EYS: variants seen among roughly 807,000 people sequenced by gnomAD.
EYS encodes the protein EGF-like photoreceptor maintenance factor.
A neutral mutation model predicts 282.1 loss-of-function variants in EYS; 250 were observed. The observed-to-expected ratio is 0.89, with a 90% CI of 0.80 to 0.98. EYS has a LOEUF of 0.98. EYS is among the 50% of genes least tolerant of loss of function. The pLI is 0.00. For synonymous variants in EYS, 1,355 were observed against 1,282.9 expected (o/e 1.06, Z -1.20); for missense variants, 4,016 against 3,709.0 (o/e 1.08, Z -2.15).
At chr6:64,763,931 T>G (rs1403644674) in intron 22 of EYS, among the ~76,000 whole-genome samples, 1 of 152,166 alleles carries the variant, frequency 6.6e-6, no homozygotes, top group Admixed American at 6.5e-5. Context: ...ATGTCTCACA[T>G]CCAGGGCACA....
chr6:64,695,650 T>C (rs112692458), intron 22 of EYS, among the ~76,000 whole-genome samples: 2,416 of 150,648 alleles, frequency 0.016, 70 homozygotes, highest in African/African-American at 0.056. Context: ...AGTGGCATGA[T>C]CTTAGCTCAC....
At chr6:65,615,948 A>G (rs1053341227) in intron 2 of EYS, among the ~76,000 whole-genome samples, 2 of 83,788 alleles carry the variant, frequency 2.4e-5, no homozygotes, top group East Asian at 4.6e-4. Flanking sequence ...AAGAAAAAAA[A>G]AAGAAAGAAA....
chr6:63,876,802 T>C (rs1772985025), intron 35 of EYS, among the ~76,000 whole-genome samples: 1 of 152,218 alleles, frequency 6.6e-6, no homozygotes, highest in South Asian at 2.1e-4. Context: ...CTGCTTTTTT[T>C]TTGTTTTCCA....
chr6:63,858,559 G>T (rs571039487), intron 36 of EYS, among the ~76,000 whole-genome samples: 41 of 152,308 alleles, frequency 2.7e-4, no homozygotes, highest in African/African-American at 9.4e-4. Flanking sequence ...AATAAAAAGT[G>T]CAGGCCATTC....
chr6:65,687,278 GAA>G (rs1397092730), intron 1 of EYS, among the ~76,000 whole-genome samples: 2 of 151,848 alleles, frequency 1.3e-5, no homozygotes, highest in African/African-American at 4.8e-5. Flanking sequence ...ATATATGCAA[GAA>G]AAAAGACAAA....
At chr6:64,905,548 G>A (rs1767799987) in intron 16 of EYS, among the ~76,000 whole-genome samples, 1 of 152,128 alleles carries the variant, frequency 6.6e-6, no homozygotes, top group Non-Finnish European at 1.5e-5. Flanking sequence ...CGAATGGTCA[G>A]TAAATGATAT....
At chr6:65,329,884 A>C in intron 11 of EYS, 3 of 980,958 alleles carry the variant, frequency 3.1e-6, no homozygotes, top group Non-Finnish European at 3.6e-6. Flanking sequence ...TGATTTTCTT[A>C]TGGACTTTTA....
intron 29 of EYS, among the ~76,000 whole-genome samples, chr6:64,342,101 T>C (rs1249880974): frequency 1.3e-5 from 2 of 151,614 alleles, no homozygotes; most frequent in African/African-American, 4.8e-5. Context: ...AAATATTGTA[T>C]ATAGTATAAT....
chr6:63,749,015 CT>C (rs1477156640), intron 41 of EYS, among the ~76,000 whole-genome samples: 4 of 151,974 alleles, frequency 2.6e-5, no homozygotes, highest in African/African-American at 9.7e-5. Flanking sequence ...TTATTTCTTT[CT>C]TCTGCTAGCT....
rs367623371 is a variant in EYS at position 64,944,959 on chromosome 6, A to G, written c.2381+834T>C. On this transcript the variant is annotated intron_variant, in intron 15 of 42. Transcript: ENST00000503581. ...ATGACATAGATTCTATTGTTCACAT[A>G]TTTGTTGCTGACCTTCTCCTTATTA... 2.2e-4 allele frequency among the ~76,000 whole-genome samples: 33 copies of G among 150,516 alleles called. 1 individual carries two copies. The East Asian group carries it at 3.0e-3, about 13-fold the overall frequency.
chr6:64,383,197 G>T (rs916538814), intron 29 of EYS, among the ~76,000 whole-genome samples: 4 of 151,980 alleles, frequency 2.6e-5, no homozygotes, highest in African/African-American at 9.7e-5. Flanking sequence ...GCTACTAGGG[G>T]GGCTGAGGTG....
chr6:63,724,001 T>C (rs1398947155), intron 42 of EYS, among the ~76,000 whole-genome samples: 3 of 151,730 alleles, frequency 2.0e-5, no homozygotes, highest in Non-Finnish European at 4.4e-5. Context: ...AGAGCGAGGT[T>C]TTACCATGTT....
chr6:65,094,995 A>T (rs1220167937), intron 12 of EYS, among the ~76,000 whole-genome samples: 1 of 151,348 alleles, frequency 6.6e-6, no homozygotes, highest in East Asian at 1.9e-4. Flanking sequence ...AAATAAAAAA[A>T]ATAGGAGATA....
At chr6:65,282,588 A>T (rs1768254504) in intron 12 of EYS, among the ~76,000 whole-genome samples, 1 of 152,014 alleles carries the variant, frequency 6.6e-6, no homozygotes, top group Non-Finnish European at 1.5e-5. Context: ...GAAAACTTTA[A>T]CTTGGAAAAT....
At chr6:63,879,039 C>A (rs1364779658) in intron 35 of EYS, among the ~76,000 whole-genome samples, 3 of 152,146 alleles carry the variant, frequency 2.0e-5, no homozygotes, top group African/African-American at 7.2e-5. Context: ...TCTTCTATGT[C>A]ATTCACGTTG....
At chr6:64,335,829 C>G (rs1469553884) in intron 29 of EYS, among the ~76,000 whole-genome samples, 1 of 152,042 alleles carries the variant, frequency 6.6e-6, no homozygotes, top group East Asian at 1.9e-4. Context: ...CTTCAGTTTC[C>G]TCAAACAAAA....
intron 2 of EYS, among the ~76,000 whole-genome samples, chr6:65,632,329 G>A (rs1197085110): frequency 1.3e-5 from 2 of 152,086 alleles, no homozygotes; most frequent in Non-Finnish European, 2.9e-5. Flanking sequence ...ACAAGTTAAT[G>A]CATTTTGGAA....
chr6:64,822,412 C>G (rs1392348719), intron 20 of EYS, among the ~76,000 whole-genome samples: 2 of 151,330 alleles, frequency 1.3e-5, no homozygotes, highest in Admixed American at 6.6e-5. Flanking sequence ...TCTAATTAAT[C>G]CACATTTATA....
intron 26 of EYS, among the ~76,000 whole-genome samples, chr6:64,581,735 A>G (rs1022707128): frequency 6.6e-6 from 1 of 152,122 alleles, no homozygotes; most frequent in Non-Finnish European, 1.5e-5. Flanking sequence ...GCTATTACAT[A>G]CTGTGGCTCC....
Sources: allele counts gnomAD v4.1 joint callset (sites outside exome capture counted in the v4.1 genomes callset), GRCh38; gene constraint gnomAD v4.1.1; transcripts MANE v1.5; gene names NCBI Gene and HGNC (gene_info 2026-07-23, HGNC 2026-07-21).